Variants in RIMS2 observed in about 807,000 individuals in gnomAD.
The protein encoded by RIMS2 is regulating synaptic membrane exocytosis 2, also known as regulating synaptic membrane exocytosis protein 2.
Under a neutral mutation model 174.4 loss-of-function variants are expected in RIMS2, and 59 were observed. That is an observed-to-expected ratio of 0.34 (90% CI 0.27 to 0.42). The LOEUF is 0.42. Among genes scored for constraint, RIMS2 ranks in the 10% least tolerant of loss-of-function variants. The probability of loss-of-function intolerance (pLI) is 1.00; values close to 1 mark genes in which losing one functional copy is unlikely to be tolerated. For missense variants in RIMS2, 1,620 were observed against 1,666.3 expected (o/e 0.97, Z 0.48); for synonymous variants, 606 against 572.5 (o/e 1.06, Z -0.84).
intron 19 of RIMS2, among the ~76,000 whole-genome samples, chr8:104,175,305 T>C (rs903501930): frequency 1.3e-5 from 2 of 152,092 alleles, no homozygotes; most frequent in Non-Finnish European, 2.9e-5. Flanking sequence ...TTTAAAAAAT[T>C]TTTTTGTGTA....
At chr8:103,956,855 G>A (rs1001584586) in intron 14 of RIMS2, among the ~76,000 whole-genome samples, 5 of 152,116 alleles carry the variant, frequency 3.3e-5, no homozygotes, top group Non-Finnish European at 5.9e-5. Context: ...CTGTCCATTT[G>A]TCAAAGGGCT....
chr8:103,706,318 A>G (rs539988322), intron 2 of RIMS2, among the ~76,000 whole-genome samples: 3 of 152,290 alleles, frequency 2.0e-5, no homozygotes, highest in African/African-American at 7.2e-5. Flanking sequence ...TAGTCTTCAT[A>G]CTAAAGACAC....
chr8:103,774,131 G>T (rs958748366), intron 3 of RIMS2, among the ~76,000 whole-genome samples: 1 of 152,204 alleles, frequency 6.6e-6, no homozygotes. Flanking sequence ...GACTGAGTGA[G>T]ACGCTGTCTC....
intron 1 of RIMS2, among the ~76,000 whole-genome samples, chr8:103,580,447 G>A (rs1047500329): frequency 1.7e-4 from 7 of 40,584 alleles, no homozygotes; most frequent in African/African-American, 4.5e-4. Context: ...ATGTGTGCAT[G>A]TGTGTGTGTG....
intron 2 of RIMS2, among the ~76,000 whole-genome samples, chr8:103,746,682 ACTTTT>A (rs1358726285): frequency 2.7e-5 from 4 of 149,284 alleles, no homozygotes; most frequent in African/African-American, 9.9e-5. Flanking sequence ...TTTAGTTCCC[ACTTTT>A]CTTTTTTTTT....
intron 1 of RIMS2, among the ~76,000 whole-genome samples, chr8:103,503,312 G>A (rs1040119438): frequency 2.0e-5 from 3 of 151,668 alleles, no homozygotes; most frequent in Admixed American, 6.6e-5. Flanking sequence ...TTTAACGAAA[G>A]AGTAGGCAAG....
intron 19 of RIMS2, among the ~76,000 whole-genome samples, chr8:104,161,067 T>C (rs1413104714): frequency 1.3e-5 from 2 of 152,214 alleles, no homozygotes; most frequent in African/African-American, 4.8e-5. Context: ...CATGAAGTTG[T>C]TATGAGCACT....
intron 1 of RIMS2, among the ~76,000 whole-genome samples, chr8:103,597,399 C>A (rs2094519829): frequency 6.6e-6 from 1 of 151,974 alleles, no homozygotes; most frequent in African/African-American, 2.4e-5. Flanking sequence ...CTCTTGTGTC[C>A]CTGTTTATGC....
intron 1 of RIMS2, among the ~76,000 whole-genome samples, chr8:103,683,558 G>T (rs560496898): frequency 1.3e-5 from 2 of 152,286 alleles, no homozygotes; most frequent in South Asian, 4.1e-4. Context: ...AAATTGTCCA[G>T]TACTCCAATG....
chr8:104,229,766 A>G (rs1367910795), intron 19 of RIMS2, among the ~76,000 whole-genome samples: 1 of 150,470 alleles, frequency 6.6e-6, no homozygotes, highest in African/African-American at 2.5e-5. Context: ...TCTCAGTCCC[A>G]CTCCCAAATT....
intron 19 of RIMS2, chr8:104,094,357 A>G (rs567907495): frequency 7.3e-6 from 4 of 550,150 alleles, no homozygotes; most frequent in Non-Finnish European, 1.3e-5. Flanking sequence ...AAAAGATATA[A>G]TTTTTACTTA....
At chr8:103,802,884 A>G (rs536192227) in intron 3 of RIMS2, among the ~76,000 whole-genome samples, 1 of 152,296 alleles carries the variant, frequency 6.6e-6, no homozygotes, top group East Asian at 1.9e-4. Flanking sequence ...ACTTTTAATA[A>G]AGATGAAGAT....
At chr8:104,230,344 A>G (rs2099218893) in intron 19 of RIMS2, among the ~76,000 whole-genome samples, 1 of 151,864 alleles carries the variant, frequency 6.6e-6, no homozygotes, top group African/African-American at 2.4e-5. Context: ...TTATTTTAGC[A>G]ACTTAAAAAT....
intron 1 of RIMS2, among the ~76,000 whole-genome samples, chr8:103,551,152 A>G (rs1184189326): frequency 3.3e-5 from 5 of 152,230 alleles, no homozygotes. Context: ...CAAAAAAAAG[A>G]GAATTTTAGA....
At chr8:103,804,582 A>C (rs1206957055) in intron 3 of RIMS2, among the ~76,000 whole-genome samples, 1 of 152,216 alleles carries the variant, frequency 6.6e-6, no homozygotes, top group Non-Finnish European at 1.5e-5. Flanking sequence ...TCCTGGTAAG[A>C]AAATGCAGTA....
chr8:104,030,972 T>C (rs78731488), intron 19 of RIMS2, among the ~76,000 whole-genome samples: 3,808 of 152,252 alleles, frequency 0.025, 138 homozygotes, highest in African/African-American at 0.084. Context: ...TACCCAGACA[T>C]GCCTGGATTA....
At chr8:104,075,478 T>G (rs767799860) in intron 19 of RIMS2, among the ~76,000 whole-genome samples, 3 of 152,220 alleles carry the variant, frequency 2.0e-5, no homozygotes, top group Non-Finnish European at 4.4e-5. Context: ...TGAATTAGAA[T>G]TAAGATCACT....
chr8:103,861,261 T>C (rs1350446685), intron 3 of RIMS2, among the ~76,000 whole-genome samples: 1 of 152,126 alleles, frequency 6.6e-6, no homozygotes, highest in Non-Finnish European at 1.5e-5. Context: ...TTATTTCACT[T>C]AGGCTAATGG....
intron 19 of RIMS2, among the ~76,000 whole-genome samples, chr8:104,043,808 C>T (rs1363132384): frequency 6.6e-6 from 1 of 151,562 alleles, no homozygotes; most frequent in African/African-American, 2.4e-5. Context: ...GCAAATAAAG[C>T]TACAAATTTT....
Sources: allele counts gnomAD v4.1 joint callset (sites outside exome capture counted in the v4.1 genomes callset), GRCh38; gene constraint gnomAD v4.1.1; transcripts MANE v1.5; gene names NCBI Gene and HGNC (gene_info 2026-07-23, HGNC 2026-07-21).